MYLK: variants seen among roughly 807,000 people sequenced by gnomAD.
The protein encoded by MYLK is myosin light chain kinase, smooth muscle.
In MYLK, 106 loss-of-function variants were observed where a neutral mutation model predicts 203.4. The observed-to-expected ratio is 0.52, with a 90% CI of 0.45 to 0.61. The LOEUF is 0.61. Among genes scored for constraint, MYLK ranks in the 20% least tolerant of loss-of-function variants. The pLI, the probability that MYLK is intolerant of heterozygous loss-of-function variation, is 0.00. For missense variants in MYLK, 2,072 were observed against 2,442.3 expected, an observed-to-expected ratio of 0.85 and a Z score of 3.20; for synonymous variants, 867 against 959.5, an observed-to-expected ratio of 0.90 and a Z score of 1.78.
chr3:123,693,503 A>C (rs1246325738), intron 18 of MYLK: 1 of 155,020 alleles, frequency 6.5e-6, no homozygotes, highest in African/African-American at 2.4e-5. Context: ...CTGGACCTGC[A>C]GAGGGGCCCT....
intron 27 of MYLK, 47 bp downstream of exon 27, chr3:123,647,177 T>C: frequency 1.9e-6 from 3 of 1,575,546 alleles, no homozygotes; most frequent in Admixed American, 3.4e-5. Context: ...GGAGACACGT[T>C]TGGGGGCTCC....
intron 2 of MYLK, among the ~76,000 whole-genome samples, chr3:123,875,734 T>C (rs2033109365): frequency 6.6e-6 from 1 of 152,178 alleles, no homozygotes; most frequent in Non-Finnish European, 1.5e-5. Flanking sequence ...GAAAAGTTAT[T>C]GTGTACCTGG....
At chr3:123,807,768 G>A (rs968932274) in intron 3 of MYLK, among the ~76,000 whole-genome samples, 2 of 152,222 alleles carry the variant, frequency 1.3e-5, no homozygotes, top group African/African-American at 4.8e-5. Context: ...CCCATTCAAA[G>A]GCCAGAAATC....
chr3:123,865,039 T>C (rs536627527), intron 2 of MYLK, among the ~76,000 whole-genome samples: 12 of 152,334 alleles, frequency 7.9e-5, no homozygotes, highest in African/African-American at 2.6e-4. Flanking sequence ...GTTACATACC[T>C]GGATTTCAAA....
At chr3:123,823,618 T>C (rs1166105743) in intron 3 of MYLK, among the ~76,000 whole-genome samples, 1 of 152,206 alleles carries the variant, frequency 6.6e-6, no homozygotes, top group African/African-American at 2.4e-5. Context: ...AGCAGTCTCC[T>C]ATGTGCCTCC....
At chr3:123,767,225 A>G (rs2063734835) in intron 4 of MYLK, among the ~76,000 whole-genome samples, 1 of 152,210 alleles carries the variant, frequency 6.6e-6, no homozygotes, top group Non-Finnish European at 1.5e-5. Flanking sequence ...GCCTGCAGGT[A>G]GGGCTTGGTC....
chr3:123,708,659 G>A lies in MYLK; in HGVS notation c.2140+39C>T, dbSNP rs775113760. 1.9e-6 allele frequency: 3 copies of A among 1,611,348 alleles called. No homozygotes were observed. In the African/African-American group the frequency reaches 4.0e-5, roughly 22 times the overall value. ...AATCACTTTTGGAGGGGCTGCAGCA[G>A]CATCTCCTTCCCACTCGCTCTGAGT... On this transcript the variant is annotated intron_variant, in intron 15 of 33. Coordinates refer to ENST00000360304, the MANE Select transcript of MYLK (RefSeq NM_053025.4).
At chr3:123,765,213 T>C (rs565598148) in intron 4 of MYLK, among the ~76,000 whole-genome samples, 3 of 152,206 alleles carry the variant, frequency 2.0e-5, no homozygotes, top group Admixed American at 6.5e-5. Context: ...CTTAAAATAA[T>C]TGAAAGCAGG....
intron 3 of MYLK, among the ~76,000 whole-genome samples, chr3:123,815,745 G>A (rs951976762): frequency 5.9e-5 from 9 of 152,174 alleles, no homozygotes; most frequent in Non-Finnish European, 7.3e-5. Context: ...ACCGCTTAAC[G>A]TAAATAATTT....
At chr3:123,829,392 T>C (rs1471871272) in intron 3 of MYLK, among the ~76,000 whole-genome samples, 2 of 152,024 alleles carry the variant, frequency 1.3e-5, no homozygotes, top group African/African-American at 2.4e-5. Context: ...CTAAAAAATA[T>C]TGATCTCAAA....
Position 123,733,064 on chromosome 3 carries a change from C to A in MYLK, c.1348G>T (p.Glu450Ter), listed in dbSNP as rs762090602. 3.4e-5 allele frequency: 55 copies of A among 1,613,914 alleles called. No individual in the cohort carries two copies. Among genetic ancestry groups the A allele is most frequent in the Middle Eastern group, 1.6e-4 (1 of 6,084 alleles). ...IPKPEVAWFLEGTPVRRQEGS... is the reference protein window; with the variant it reads ...IPKPEVAWFL Reference sequence around the variant, plus strand: ...TCCTGTCTCCTCACGGGGGTGCCTTCCAGGAACCAGGCCACTTCAGGCTTT... The same window carrying A: ...TCCTGTCTCCTCACGGGGGTGCCTTACAGGAACCAGGCCACTTCAGGCTTT... The change falls in exon 11 of 34, where the codon GAA (glutamate) becomes TAA (stop). Residue 450 changes from glutamate to a stop codon, truncating the protein, a stop_gained. Coordinates refer to ENST00000360304, the MANE Select transcript of MYLK (RefSeq NM_053025.4). LOFTEE classifies it high-confidence loss of function.
intron 20 of MYLK, among the ~76,000 whole-genome samples, chr3:123,680,474 G>A (rs1353550716): frequency 6.6e-6 from 1 of 152,178 alleles, no homozygotes; most frequent in Non-Finnish European, 1.5e-5. Flanking sequence ...CAGGTCCAAG[G>A]AATATTTTTG....
chr3:123,766,620 TG>T (rs2108959337), intron 4 of MYLK, among the ~76,000 whole-genome samples: 1 of 152,278 alleles, frequency 6.6e-6, no homozygotes, highest in Non-Finnish European at 1.5e-5. Context: ...CCAACAGCCC[TG>T]CCCGCCTTAG....
At chr3:123,801,983 A>T (rs1372925850) in intron 3 of MYLK, among the ~76,000 whole-genome samples, 1 of 152,222 alleles carries the variant, frequency 6.6e-6, no homozygotes, top group African/African-American at 2.4e-5. Flanking sequence ...TTCAACTCCT[A>T]GTTCTTTGAG....
At chr3:123,759,982 C>CA (rs558291344) in intron 4 of MYLK, among the ~76,000 whole-genome samples, 1 of 151,574 alleles carries the variant, frequency 6.6e-6, no homozygotes, top group African/African-American at 2.4e-5. Flanking sequence ...CTGTCACCTG[C>CA]AAAAAAAAGT....
rs570562913 is a variant in MYLK, at chr3:123,781,778, C to T, written c.165+11899G>A. On this transcript the variant is annotated intron_variant, in intron 4 of 33. Coordinates refer to ENST00000360304, the MANE Select transcript of MYLK (RefSeq NM_053025.4). ...CAAATGATGGCCAGCCCTCCCCAAG[C>T]ACCTCCTCAAACCACAAACAGCCTA... Among the ~76,000 whole-genome samples, 17 of 152,104 alleles carry T rather than the reference C, an allele frequency of 1.1e-4. No homozygotes were observed. The South Asian group carries it at 3.5e-3, about 32-fold the overall frequency.
chr3:123,769,512 C>T (rs1008545552), intron 4 of MYLK, among the ~76,000 whole-genome samples: 2 of 152,236 alleles, frequency 1.3e-5, no homozygotes, highest in South Asian at 2.1e-4. Flanking sequence ...CTTTTGGCAG[C>T]ACTGAGTAGC....
Position 123,737,395 on chromosome 3 carries a change from G to C in MYLK, c.737C>G (p.Ala246Gly), listed in dbSNP as rs1243493326. The C allele has an allele frequency of 6.2e-7, 1 of 1,614,158 alleles. No homozygotes were observed. Among genetic ancestry groups the C allele is most frequent in the Non-Finnish European group, 8.5e-7 (1 of 1,180,034 alleles). ...GTCGATACCTTGGATGGAAAGTTCA[G>C]CTGACATCGAGGCCTTCCCCGACCC... is the stretch of plus-strand genomic sequence containing the variant. ...VNGSGKASMS[A>G]ELSIQGLDSA... Residue 246 changes from alanine to glycine, a missense_variant, in exon 8 of 34, where the codon GCT becomes GGT. This residue lies in a region of MYLK where 683 missense variants were observed against 643.8 expected (regional missense o/e 1.06). Transcript: ENST00000360304.
intron 14 of MYLK, chr3:123,709,358 G>A: frequency 3.5e-6 from 1 of 282,530 alleles, no homozygotes; most frequent in Admixed American, 4.8e-5. Flanking sequence ...AGCCAGGATG[G>A]TCTCGATCTC....
Sources: allele counts gnomAD v4.1 joint callset (sites outside exome capture counted in the v4.1 genomes callset), GRCh38; gene constraint gnomAD v4.1.1; regional missense constraint gnomAD v4.1.1; transcripts MANE v1.5; gene names NCBI Gene and HGNC (gene_info 2026-07-23, HGNC 2026-07-21).